The following SLC28A3 variants were observed in gnomAD, a reference collection of about 807,000 sequenced individuals.
The protein encoded by SLC28A3 is concentrative Na(+)-nucleoside cotransporter 3.
A neutral mutation model predicts 84.2 loss-of-function variants in SLC28A3; 68 were observed. The observed-to-expected ratio is 0.81, with a 90% CI of 0.66 to 0.99. The LOEUF (loss-of-function observed/expected upper bound fraction) is 0.99, where lower values mean the gene tolerates loss of function less well. Among genes scored for constraint, SLC28A3 ranks in the 50% least tolerant of loss-of-function variants. The pLI, the probability that SLC28A3 is intolerant of heterozygous loss-of-function variation, is 0.00. For synonymous variants in SLC28A3, 267 were observed against 303.6 expected, an observed-to-expected ratio of 0.88 and a Z score of 1.25; for missense variants, 712 against 841.5, an observed-to-expected ratio of 0.85 and a Z score of 1.90.
At chr9:84,357,702 T>C in the SLC28A3 span, among the ~76,000 whole-genome samples, 3 of 152,012 alleles carry the variant, frequency 2.0e-5, no homozygotes, top group African/African-American at 7.2e-5. Context: ...TCAAATTCAG[T>C]GAACAGTGAT....
chr9:84,341,856 C>T (rs761601771), upstream of SLC28A3, among the ~76,000 whole-genome samples: 10 of 152,040 alleles, frequency 6.6e-5, no homozygotes, highest in Admixed American at 1.3e-4. Flanking sequence ...AGGCCTGGTG[C>T]GGTGGCTCAC....
At chr9:84,318,571 T>C (rs758404013) in intron 1 of SLC28A3, among the ~76,000 whole-genome samples, 1 of 152,164 alleles carries the variant, frequency 6.6e-6, no homozygotes, top group African/African-American at 2.4e-5. Flanking sequence ...TGAGTCCTCA[T>C]AGAATATGGT....
At chr9:84,286,672 T>C (rs1194300492) in intron 12 of SLC28A3, among the ~76,000 whole-genome samples, 1 of 152,124 alleles carries the variant, frequency 6.6e-6, no homozygotes, top group Non-Finnish European at 1.5e-5. Flanking sequence ...AGAATAGTTA[T>C]AAAATACAAA....
Position 84,297,083 on chromosome 9 carries a change from C to T in SLC28A3, c.861+138G>A, listed in dbSNP as rs968422305. 8.3e-5 allele frequency: 48 copies of T among 578,504 alleles called. No individual in the cohort carries two copies. In the East Asian group the frequency reaches 1.3e-3, roughly 16 times the overall value. 35.8% of individuals were successfully genotyped at this position (578,504 alleles called of 1,614,324 possible). A position where few individuals can be genotyped will look rare whatever the true frequency, so the allele number is the denominator to read the frequency against. The stretch of plus-strand genomic sequence containing the variant: ...AGATAACATTGTCAGTGGAAAAGAG[C>T]AGTGATGTATTGCACACCTCTGACC... On this transcript the variant is annotated intron_variant, in intron 8 of 17. Coordinates refer to ENST00000376238, the MANE Select transcript of SLC28A3 (RefSeq NM_001199633.2).
At chr9:84,308,362 A>G (rs1825872924) in intron 3 of SLC28A3, among the ~76,000 whole-genome samples, 1 of 152,158 alleles carries the variant, frequency 6.6e-6, no homozygotes, top group Admixed American at 6.6e-5. Context: ...CCTGGCCAAC[A>G]TGGTGAAACC....
the SLC28A3 span, among the ~76,000 whole-genome samples, chr9:84,352,206 CAG>C: frequency 6.6e-6 from 1 of 151,810 alleles, no homozygotes; most frequent in Non-Finnish European, 1.5e-5. Context: ...TTTTTTAAGA[CAG>C]AGTCTCGCAC....
At chr9:84,297,416 A>G (rs1420152679) in intron 7 of SLC28A3, 118 bp from the exon 8 acceptor site, 3 of 735,724 alleles carry the variant, frequency 4.1e-6, no homozygotes, top group Non-Finnish European at 6.7e-6. Flanking sequence ...ATAGACTTGG[A>G]AAGTTAATGT....
chr9:84,309,701 A>AC lies in SLC28A3; in HGVS notation c.169dup (p.Val57GlyfsTer4), dbSNP rs761332095. The AC allele has an allele frequency of 4.3e-6, 7 of 1,613,568 alleles. No homozygotes were observed. Among genetic ancestry groups the AC allele is most frequent in the Non-Finnish European group, 5.9e-6 (7 of 1,179,888 alleles). ...TCTTGGAGAATCCTGCTCAACTGTG[A>AC]CCTGTTCTTCATCCTGGAAATCAAA... On this transcript the variant is annotated frameshift_variant, in exon 3 of 18. Coordinates refer to ENST00000376238, the MANE Select transcript of SLC28A3 (RefSeq NM_001199633.2). LOFTEE classifies it high-confidence loss of function.
chr9:84,297,262 CA>C lies in SLC28A3; in HGVS notation c.819del (p.Phe273LeufsTer26). On this transcript the variant is annotated frameshift_variant, in exon 8 of 18. Transcript: ENST00000376238. LOFTEE classifies it high-confidence loss of function. ...FLEYTDAGAS[F>X]VFGEKYKDHF... ...TGGTCTTTGTATTTCTCACCAAAGACAAATGAAGCACCAGCATCTGTGTACT... is the reference window on the plus strand; with the variant it reads ...TGGTCTTTGTATTTCTCACCAAAGACAATGAAGCACCAGCATCTGTGTACT... 1 of 1,613,474 alleles carries C rather than the reference CA, an allele frequency of 6.2e-7. No homozygotes were observed. Among genetic ancestry groups the C allele is most frequent in the Non-Finnish European group, 8.5e-7 (1 of 1,179,828 alleles).
chr9:84,288,134 A>G lies in SLC28A3; in HGVS notation c.1194T>C (p.Pro398=). 6.2e-7 allele frequency: 1 copy of G among 1,614,124 alleles called. No homozygotes were observed. Residue 398 remains proline, a synonymous_variant, in exon 12 of 18, where the codon CCT becomes CCC. Transcript: ENST00000376238. ...AGAGTTTAGCAGCAGCCAATGACGCAGGTGCTGACATAACTGACGCTGTTA... is the reference window on the plus strand; with the variant it reads ...AGAGTTTAGCAGCAGCCAATGACGCGGGTGCTGACATAACTGACGCTGTTA... The part of the protein sequence containing the change: ...HLLTASVMSA[P]ASLAAAKLFW...
At chr9:84,366,493 T>C in the SLC28A3 span, among the ~76,000 whole-genome samples, 82 of 152,304 alleles carry the variant, frequency 5.4e-4, no homozygotes, top group Non-Finnish European at 1.8e-4. Context: ...GTGTTTATTG[T>C]AGTCTTCACT....
At chr9:84,313,283 G>A (rs986287798) in intron 2 of SLC28A3, 76 bp downstream of exon 2, 31 of 1,278,394 alleles carry the variant, frequency 2.4e-5, no homozygotes, top group Non-Finnish European at 3.0e-5. Context: ...CATGCTTTCT[G>A]TGCCCACTGT....
At chr9:84,289,320 C>G (rs963943950) in intron 11 of SLC28A3, among the ~76,000 whole-genome samples, 28 of 152,146 alleles carry the variant, frequency 1.8e-4, no homozygotes, top group Non-Finnish European at 4.4e-5. Flanking sequence ...GTAAGAAATC[C>G]TAGTCTCCTG....
chr9:84,279,224 A>T (rs760703878), intron 17 of SLC28A3, 41 bp downstream of exon 17: 1 of 1,524,232 alleles, frequency 6.6e-7, no homozygotes, highest in Non-Finnish European at 8.8e-7. Flanking sequence ...TTGATTGATT[A>T]TTAATGGAGT....
chr9:84,275,645 C>T lies in SLC28A3; in HGVS notation c.*2573G>A, dbSNP rs1456963738. Reference sequence around the variant, plus strand: ...AAACATCACCATGCACCAAAAACCTCCATTAGGTTGTTTCACTGGGAGAAG... The same window carrying T: ...AAACATCACCATGCACCAAAAACCTTCATTAGGTTGTTTCACTGGGAGAAG... On this transcript the variant is annotated 3_prime_UTR_variant, in exon 18 of 18. Transcript: ENST00000376238. 1 of 152,228 alleles carries T rather than the reference C, an allele frequency of 6.6e-6. No individual in the cohort carries two copies. 9.4% of individuals were successfully genotyped at this position (152,228 alleles called of 1,614,324 possible).
At chr9:84,335,398 C>T (rs541459138) in intron 1 of SLC28A3, among the ~76,000 whole-genome samples, 1 of 152,202 alleles carries the variant, frequency 6.6e-6, no homozygotes, top group South Asian at 2.1e-4. Flanking sequence ...AATAAAAAAA[C>T]TTAGCCAGTT....
chr9:84,292,471 C>T, intron 10 of SLC28A3, 197 bp downstream of exon 10: 1 of 390,834 alleles, frequency 2.6e-6, no homozygotes, highest in Non-Finnish European at 4.4e-6. Flanking sequence ...CTGTCTCTCT[C>T]TCTGTCTCTC....
intron 10 of SLC28A3, among the ~76,000 whole-genome samples, chr9:84,290,657 A>C (rs1404693986): frequency 6.6e-6 from 1 of 152,136 alleles, no homozygotes; most frequent in African/African-American, 2.4e-5. Context: ...CACCCAGCCT[A>C]GGACTGGACT....
chr9:84,290,166 G>C lies in SLC28A3; in HGVS notation c.1137C>G (p.Tyr379Ter). 12 of 1,614,008 alleles carry C rather than the reference G, an allele frequency of 7.4e-6. No homozygotes were observed. The highest frequency in any genetic ancestry group is 9.3e-6 in the Non-Finnish European group (11 of 1,179,916). The part of the protein sequence containing the change: ...STIAGSVLGA[Y>*]ISFGVPSSHL... The stretch of plus-strand genomic sequence containing the variant: ...AAAACATTCTTACCCCAAAAGAAAT[G>C]TATGCACCTAGCACGCTTCCAGCAA... Residue 379 changes from tyrosine (Y) to a stop codon, truncating the protein, a stop_gained, in exon 11 of 18, where the codon TAC becomes TAG. Coordinates refer to ENST00000376238, the MANE Select transcript of SLC28A3 (RefSeq NM_001199633.2). LOFTEE classifies it high-confidence loss of function.
Sources: gnomAD v4.1 joint callset for allele counts (sites outside exome capture counted in the v4.1 genomes callset) on GRCh38, gnomAD v4.1.1 for gene constraint, MANE v1.5 for transcripts, NCBI Gene and HGNC (gene_info 2026-07-23, HGNC 2026-07-21) for gene names.